AKR1C3: variants seen among roughly 807,000 people sequenced by gnomAD.
AKR1C3 encodes the protein 3-alpha hydroxysteroid dehydrogenase, type II.
A neutral mutation model predicts 43.6 loss-of-function variants in AKR1C3; 48 were observed. The observed-to-expected ratio is 1.10, with a 90% confidence interval of 0.87 to 1.40. AKR1C3 has a LOEUF of 1.40. Among genes scored for constraint, AKR1C3 ranks in the 40% most tolerant of loss-of-function variants. AKR1C3 has a pLI of 0.00. For synonymous variants in AKR1C3, 162 were observed against 139.6 expected (o/e 1.16, Z -1.13); for missense variants, 482 against 391.2 (o/e 1.23, Z -1.96).
At chr10:5,099,929 A>C (rs1374273160) in intron 5 of AKR1C3, 1 of 156,900 alleles carries the variant, frequency 6.4e-6, no homozygotes, top group Admixed American at 6.1e-5. Flanking sequence ...TGATGTTTCA[A>C]CAATTCTTGA....
chr10:5,099,326 G>A lies in AKR1C3; in HGVS notation c.448-1G>A. 1 of 1,614,090 alleles carries A rather than the reference G, an allele frequency of 6.2e-7. No individual in the cohort carries two copies. Among genetic ancestry groups the A allele is most frequent in the Non-Finnish European group, 8.5e-7 (1 of 1,180,018 alleles). ...ATTCCTCACAACCCCTTTCTCCACA[G>A]GCCATGGAGAAGTGTAAGGATGCAG... On this transcript the variant is annotated splice_acceptor_variant, in intron 4 of 8. Transcript: ENST00000380554. LOFTEE classifies it high-confidence loss of function.
intron 1 of AKR1C3, among the ~76,000 whole-genome samples, chr10:5,088,975 G>C (rs1554783659): frequency 6.6e-6 from 1 of 152,002 alleles, no homozygotes; most frequent in East Asian, 1.9e-4. Context: ...AGCATTTCCT[G>C]AAGGGCTAGT....
chr10:5,053,366 T>A (rs1368613561), intron 1 of AKR1C3, among the ~76,000 whole-genome samples: 1 of 152,198 alleles, frequency 6.6e-6, no homozygotes, highest in Non-Finnish European at 1.5e-5. Flanking sequence ...CTCACTGCCC[T>A]GGGCTTGCAG....
chr10:5,102,068 A>T, intron 5 of AKR1C3, 33 bp from the exon 6 acceptor site: 1 of 1,310,302 alleles, frequency 7.6e-7, no homozygotes, highest in Non-Finnish European at 1.1e-6. Context: ...TATTTCATAT[A>T]AATTGATGCT....
chr10:5,074,910 C>T (rs1433422874), intron 1 of AKR1C3, among the ~76,000 whole-genome samples: 2 of 152,078 alleles, frequency 1.3e-5, no homozygotes, highest in Admixed American at 1.3e-4. Context: ...ATGCAGAGTC[C>T]CCATATTTTT....
intron 8 of AKR1C3, 33 bp downstream of exon 8, chr10:5,105,710 T>A (rs1350910900): frequency 2.6e-6 from 4 of 1,551,786 alleles, no homozygotes; most frequent in Non-Finnish European, 3.6e-6. Flanking sequence ...TGATCTAATT[T>A]ATTTCTGGAG....
intron 1 of AKR1C3, among the ~76,000 whole-genome samples, chr10:5,073,914 C>A (rs1409538832): frequency 1.3e-5 from 2 of 151,932 alleles, no homozygotes; most frequent in Non-Finnish European, 2.9e-5. Flanking sequence ...AATCTTAGGG[C>A]CCCAAAATCA....
chr10:5,056,246 T>G (rs1254337920), intron 1 of AKR1C3, among the ~76,000 whole-genome samples: 1 of 152,248 alleles, frequency 6.6e-6, no homozygotes, highest in East Asian at 1.9e-4. Flanking sequence ...TTGGGATGTG[T>G]GGTCTGTGGG....
At chr10:5,095,434 TAAACCTTTGAGTGTTGGCACACTTAA>T (rs781828722) in intron 1 of AKR1C3, among the ~76,000 whole-genome samples, 146 of 150,754 alleles carry the variant, frequency 9.7e-4, no homozygotes, top group Admixed American at 1.7e-3. Flanking sequence ...CCAGCCTTGG[TAAACCTTTGAGTGTTGGCACACTTAA>T]AGACTGCTCT....
chr10:5,067,733 A>G (rs1313978818), intron 1 of AKR1C3, among the ~76,000 whole-genome samples: 1 of 152,212 alleles, frequency 6.6e-6, no homozygotes, highest in Non-Finnish European at 1.5e-5. Flanking sequence ...GGGCCAAACA[A>G]TAGTTATAAA....
At chr10:5,082,440 A>G (rs1320938528) in intron 1 of AKR1C3, among the ~76,000 whole-genome samples, 1 of 151,994 alleles carries the variant, frequency 6.6e-6, no homozygotes, top group Non-Finnish European at 1.5e-5. Flanking sequence ...GATGTCCCTT[A>G]TTATTTTGAG....
intron 1 of AKR1C3, among the ~76,000 whole-genome samples, chr10:5,052,476 G>T (rs1838173020): frequency 6.8e-6 from 1 of 147,876 alleles, no homozygotes; most frequent in Admixed American, 6.6e-5. Flanking sequence ...GAGCTGATTG[G>T]TCTGTTTTAC....
chr10:5,062,397 T>C (rs1838399288), intron 1 of AKR1C3, among the ~76,000 whole-genome samples: 1 of 152,214 alleles, frequency 6.6e-6, no homozygotes, highest in Non-Finnish European at 1.5e-5. Flanking sequence ...TGATGGTCTC[T>C]GGCTTTAAAT....
chr10:5,099,704 T>A, intron 5 of AKR1C3: 1 of 533,408 alleles, frequency 1.9e-6, no homozygotes, highest in Non-Finnish European at 3.1e-6. Flanking sequence ...CAGGGAGGCC[T>A]GGAATCATCA....
At position 5,107,474 on chromosome 10, in the gene AKR1C3, C is replaced by T; in HGVS notation, c.943C>T (p.Pro315Ser). The change falls in exon 9 of 9, where the codon CCT becomes TCT. Residue 315 changes from proline (P) to serine (S), a missense_variant. Physicochemically the swap from Pro to Ser is moderately conservative, Grantham distance 74. Coordinates refer to ENST00000380554, the MANE Select transcript of AKR1C3 (RefSeq NM_003739.6). ...YFNSDSFASHPNYPYSDEY is the reference protein window; with the variant it reads ...YFNSDSFASHSNYPYSDEY Reference sequence around the variant, plus strand: ...TTCTCTTTTCAGTTTTGCTAGCCACCCTAATTATCCATATTCAGATGAATA... The same window carrying T: ...TTCTCTTTTCAGTTTTGCTAGCCACTCTAATTATCCATATTCAGATGAATA... 1 of 1,582,876 alleles carries T rather than the reference C, an allele frequency of 6.3e-7. No individual in the cohort carries two copies. Among genetic ancestry groups the T allele is most frequent in the Non-Finnish European group, 8.7e-7 (1 of 1,152,320 alleles).
At chr10:5,104,452 ATTGAC>A (rs1411624321) in intron 7 of AKR1C3, among the ~76,000 whole-genome samples, 3 of 152,166 alleles carry the variant, frequency 2.0e-5, no homozygotes, top group Non-Finnish European at 4.4e-5. Flanking sequence ...TTTGTCTTCA[ATTGAC>A]TTATTTACTT....
chr10:5,100,493 T>TA (rs1413151437), intron 5 of AKR1C3, among the ~76,000 whole-genome samples: 1 of 151,320 alleles, frequency 6.6e-6, no homozygotes, highest in Non-Finnish European at 1.5e-5. Flanking sequence ...AGCTTAGGGA[T>TA]AAGTCCTTTT....
intron 1 of AKR1C3, among the ~76,000 whole-genome samples, chr10:5,052,314 G>A (rs992094741): frequency 6.6e-5 from 10 of 152,164 alleles, no homozygotes; most frequent in African/African-American, 2.4e-4. Flanking sequence ...CAAAGAGTGA[G>A]CAGTAGCAAG....
rs1274987114 is a variant in AKR1C3, at chr10:5,105,582, T to C, written c.847-13T>C. The stretch of plus-strand genomic sequence containing the variant: ...GCAATCTAAAAATAATAAAAGTTTT[T>C]TATTTCTGATAGGTTTTTGAGTTCC... On this transcript the variant is annotated splice_polypyrimidine_tract_variant and intron_variant, in intron 7 of 8. Coordinates refer to ENST00000380554, the MANE Select transcript of AKR1C3 (RefSeq NM_003739.6). 2 of 1,607,826 alleles carry C rather than the reference T, an allele frequency of 1.2e-6. No individual in the cohort carries two copies. Among genetic ancestry groups the C allele is most frequent in the Admixed American group, 1.7e-5 (1 of 59,506 alleles).
Sources: allele counts gnomAD v4.1 joint callset (sites outside exome capture counted in the v4.1 genomes callset), GRCh38; gene constraint gnomAD v4.1.1; transcripts MANE v1.5; gene names NCBI Gene and HGNC (gene_info 2026-07-23, HGNC 2026-07-21).